Variants in SLC6A19 observed in about 807,000 individuals in gnomAD.
SLC6A19 encodes the protein sodium-dependent neutral amino acid transporter B(0)AT1.
Under a neutral mutation model 68.3 loss-of-function variants are expected in SLC6A19, and 67 were observed. The ratio of observed to expected loss-of-function variants is 0.98; its 90% confidence interval spans 0.81 to 1.20. The LOEUF (loss-of-function observed/expected upper bound fraction) is 1.20, where lower values mean the gene tolerates loss of function less well. Among genes scored for constraint, SLC6A19 ranks in the 50% most tolerant of loss-of-function variants. The probability of loss-of-function intolerance (pLI) is 0.00; values close to 1 mark genes in which losing one functional copy is unlikely to be tolerated. For missense variants in SLC6A19, 813 were observed against 851.6 expected (o/e 0.95, Z 0.56); for synonymous variants, 392 against 374.9 (o/e 1.05, Z -0.53).
intron 3 of SLC6A19, among the ~76,000 whole-genome samples, chr5:1,211,790 C>T (rs981061043): frequency 1.0e-4 from 15 of 149,908 alleles, no homozygotes; most frequent in Non-Finnish European, 1.5e-5. Flanking sequence ...TGCATGTGAG[C>T]ATGTGTGCCT....
At chr5:1,207,464 C>T (rs1470019421) in intron 1 of SLC6A19, among the ~76,000 whole-genome samples, 2 of 152,274 alleles carry the variant, frequency 1.3e-5, no homozygotes, top group Admixed American at 6.5e-5. Flanking sequence ...TGAGAGGAAG[C>T]TGACCTATGC....
chr5:1,218,795 C>A, intron 8 of SLC6A19, 108 bp from the exon 9 acceptor site: 4 of 1,159,368 alleles, frequency 3.5e-6, no homozygotes, highest in Non-Finnish European at 3.8e-6. Flanking sequence ...ACAGCTCAGA[C>A]CTGCCCGCCC....
chr5:1,202,319 C>T lies in SLC6A19; in HGVS notation c.202+467C>T, dbSNP rs918848484. Among the ~76,000 whole-genome samples the T allele has an allele frequency of 3.9e-5, 6 of 152,274 alleles. No individual in the cohort carries two copies. The East Asian group carries it at 5.8e-4, about 15-fold the overall frequency. On this transcript the variant is annotated intron_variant, in intron 1 of 11. Transcript: ENST00000304460. ...ACCCTAGAGGAGCAGAGTGGGTAGC[C>T]GGAGCCTGTGGACTCGGGCCTGGCT...
Position 1,223,640 on chromosome 5 carries a change from G to C in SLC6A19, c.*1736G>C, listed in dbSNP as rs966826187. 1 of 151,940 alleles carries C rather than the reference G, an allele frequency of 6.6e-6. No homozygotes were observed. The highest frequency in any genetic ancestry group is 1.5e-5 in the Non-Finnish European group (1 of 68,162). The allele number at this position is 151,940 out of a possible 1,614,324, so 9.4% of individuals were successfully genotyped here. A position where few individuals can be genotyped will look rare whatever the true frequency, so the allele number is the denominator to read the frequency against. Reference sequence around the variant, plus strand: ...GTGTTCTGAGAGTTCCTACGGACAGGTCACCTCCGCTTTGCATGGAAGAAT... The same window carrying C: ...GTGTTCTGAGAGTTCCTACGGACAGCTCACCTCCGCTTTGCATGGAAGAAT... On this transcript the variant is annotated 3_prime_UTR_variant, in exon 12 of 12. Transcript: ENST00000304460.
chr5:1,218,858 C>A (rs755836384), intron 8 of SLC6A19, 45 bp from the exon 9 acceptor site: 1 of 1,596,068 alleles, frequency 6.3e-7, no homozygotes, highest in Non-Finnish European at 8.5e-7. Flanking sequence ...GGAGACGGAG[C>A]CCACGGAGGG....
At chr5:1,219,755 G>A in intron 10 of SLC6A19, 91 bp downstream of exon 10, 1 of 1,569,268 alleles carries the variant, frequency 6.4e-7, no homozygotes, top group Non-Finnish European at 8.7e-7. Flanking sequence ...TGTGTTCAGG[G>A]TACGGAGGGA....
chr5:1,207,734 T>C (rs541418365), intron 1 of SLC6A19, among the ~76,000 whole-genome samples: 1 of 152,352 alleles, frequency 6.6e-6, no homozygotes, highest in South Asian at 2.1e-4. Flanking sequence ...GGCCCTCGGT[T>C]TAGACCATGA....
rs1033740611 is a variant in SLC6A19, at chr5:1,219,303, G to A, written c.1378+196G>A. On this transcript the variant is annotated intron_variant, in intron 9 of 11. Coordinates refer to ENST00000304460, the MANE Select transcript of SLC6A19 (RefSeq NM_001003841.3). ...CCGGCCGTGTGTGCAGCCCCCGGGC[G>A]TGTGAACAGCTCTGTCCCCGGCCGT... 1.2e-3 allele frequency among the ~76,000 whole-genome samples: 179 copies of A among 151,352 alleles called. 3 individuals carry two copies. Among genetic ancestry groups the A allele is most frequent in the Non-Finnish European group, 9.9e-4 (67 of 67,800 alleles).
rs1049359677 is a variant in SLC6A19, at chr5:1,209,047, C to A, written c.343+161C>A. On this transcript the variant is annotated intron_variant, in intron 2 of 11. Transcript: ENST00000304460. The surrounding 1 kb of genome is among the most constrained non-coding windows in gnomAD (Gnocchi z 5.5). ...AGGTCCCAGCTTCATCTCCTGGAGG[C>A]CTTTGGAAACTCCAGGCCACTCCTG... 6.6e-5 allele frequency among the ~76,000 whole-genome samples: 10 copies of A among 150,962 alleles called. No individual in the cohort carries two copies. The highest frequency in any genetic ancestry group is 2.4e-4 in the African/African-American group (10 of 40,882).
At position 1,222,439 on chromosome 5, in the gene SLC6A19, G is replaced by A. The variant is rs1746416828; in HGVS notation, c.*535G>A. The A allele has an allele frequency of 9.1e-6, 4 of 440,432 alleles. No individual in the cohort carries two copies. The highest frequency in any genetic ancestry group is 1.2e-5 in the Non-Finnish European group (3 of 251,260). The allele number at this position is 440,432 out of a possible 1,614,324, so 27.3% of individuals were successfully genotyped here. On this transcript the variant is annotated 3_prime_UTR_variant, in exon 12 of 12. Transcript: ENST00000304460. ...TATACATGCATGCAATTGTGTGTAT[G>A]TGTGTTCTGTGTGTGCGTTTGCAAG...
rs201304215 is a variant in SLC6A19, at chr5:1,212,421, C to T, written c.600C>T (p.Cys200=). The change falls in exon 4 of 12, where the codon TGC becomes TGT. Residue 200 remains cysteine (C), a synonymous_variant. Coordinates refer to ENST00000304460, the MANE Select transcript of SLC6A19 (RefSeq NM_001003841.3). This position sits in a 1 kb window ranked among gnomAD's most constrained non-coding sequence, Gnocchi z 5.1. ...CCATCCAGTGGTGGATGCTGCTGTG[C>T]CTGGCCTGCGCATGGAGCGTCCTGT... ...SGSIQWWMLL[C]LACAWSVLYM... is the part of the protein sequence containing the mutation. The T allele has an allele frequency of 2.5e-6, 4 of 1,612,448 alleles. No individual in the cohort carries two copies. Among genetic ancestry groups the T allele is most frequent in the African/African-American group, 1.3e-5 (1 of 75,006 alleles).
intron 1 of SLC6A19, among the ~76,000 whole-genome samples, chr5:1,207,550 T>C (rs1745890638): frequency 6.6e-6 from 1 of 152,248 alleles, no homozygotes; most frequent in African/African-American, 2.4e-5. Flanking sequence ...CTTCTAAGCA[T>C]CTGCGATTTT....
At position 1,221,866 on chromosome 5, in the gene SLC6A19, C is replaced by G. The variant is rs762492736; in HGVS notation, c.1867C>G (p.Leu623Val). ...GGACCATCAGGGGCTGGTGAGCACA[C>G]TGTCCACAGCCTCCATGAACGGGGA... ...PGDHQGLVST[L>V]STASMNGDLK... Residue 623 changes from leucine (L) to valine (V), a missense_variant, in exon 12 of 12, where the codon CTG (leucine) becomes GTG (valine). By Grantham distance (32) the Leu-to-Val change is conservative. Transcript: ENST00000304460. 2 of 1,614,222 alleles carry G rather than the reference C, an allele frequency of 1.2e-6. No individual in the cohort carries two copies. The highest frequency in any genetic ancestry group is 1.7e-6 in the Non-Finnish European group (2 of 1,180,046).
intron 1 of SLC6A19, among the ~76,000 whole-genome samples, chr5:1,207,178 G>C (rs2126495458): frequency 6.6e-6 from 1 of 152,308 alleles, no homozygotes; most frequent in South Asian, 2.1e-4. Flanking sequence ...CCACCTTCGA[G>C]TGAAGGACCC....
Position 1,215,839 on chromosome 5 carries a change from C to A in SLC6A19, c.888-719C>A, listed in dbSNP as rs1010153025. 1.3e-5 allele frequency among the ~76,000 whole-genome samples: 2 copies of A among 152,180 alleles called. No individual in the cohort carries two copies. Among genetic ancestry groups the A allele is most frequent in the Non-Finnish European group, 2.9e-5 (2 of 68,028 alleles). On this transcript the variant is annotated intron_variant, in intron 6 of 11. Coordinates refer to ENST00000304460, the MANE Select transcript of SLC6A19 (RefSeq NM_001003841.3). This position sits in a 1 kb window ranked among gnomAD's most constrained non-coding sequence, Gnocchi z 5.1. ...TTTTCCACGGTGGCTGCACCACTCA[C>A]GTTCCCACCAGCGTGCAGGAAGCTC...
At position 1,214,438 on chromosome 5, in the gene SLC6A19, C is replaced by T. The variant is rs533657030; in HGVS notation, c.887+373C>T. Among the ~76,000 whole-genome samples the T allele has an allele frequency of 1.2e-4, 19 of 152,320 alleles. No individual in the cohort carries two copies. Among genetic ancestry groups the T allele is most frequent in the East Asian group, 1.2e-3 (6 of 5,178 alleles). On this transcript the variant is annotated intron_variant, in intron 6 of 11. Transcript: ENST00000304460. This position sits in a 1 kb window ranked among gnomAD's most constrained non-coding sequence, Gnocchi z 7.4. ...CATGTGGCGCCCCCGACGCCCTCCA[C>T]GTCCCCGACCAAGGTCTGATCCTTC...
rs1746414901 is a variant in SLC6A19 at position 1,222,392 on chromosome 5, T to A, written c.*488T>A. ...TACAATGGGTGTCCACATGCACGTG[T>A]ATATGTATATCTGTGAGTGTATATA... is the stretch of plus-strand genomic sequence containing the variant. On this transcript the variant is annotated 3_prime_UTR_variant, in exon 12 of 12. Transcript: ENST00000304460. 6 of 462,016 alleles carry A rather than the reference T, an allele frequency of 1.3e-5. No individual in the cohort carries two copies. In the South Asian group the frequency reaches 3.5e-4, roughly 27 times the overall value. 28.6% of individuals were successfully genotyped at this position (462,016 alleles called of 1,614,324 possible). A position where few individuals can be genotyped will look rare whatever the true frequency, so the allele number is the denominator to read the frequency against.
In SLC6A19 at chr5:1,214,831, G is replaced by A. The variant is rs563826393; in HGVS notation, c.887+766G>A. Among the ~76,000 whole-genome samples, 312 of 148,076 alleles carry A rather than the reference G, an allele frequency of 2.1e-3. 1 individual carries two copies. Among genetic ancestry groups the A allele is most frequent in the Non-Finnish European group, 2.8e-3 (182 of 65,610 alleles). On this transcript the variant is annotated intron_variant, in intron 6 of 11. Transcript: ENST00000304460. The surrounding 1 kb of genome is among the most constrained non-coding windows in gnomAD (Gnocchi z 7.4). ...AAGGGGGCAGGGCCTGGGTAGGGAGGGTGGGGCCTAGACTGGACGGGGGCC... is the reference window on the plus strand; with the variant it reads ...AAGGGGGCAGGGCCTGGGTAGGGAGAGTGGGGCCTAGACTGGACGGGGGCC...
intron 1 of SLC6A19, among the ~76,000 whole-genome samples, chr5:1,205,622 T>A (rs1745831852): frequency 6.6e-6 from 1 of 152,152 alleles, no homozygotes; most frequent in Non-Finnish European, 1.5e-5. Flanking sequence ...GTTTTCTCAA[T>A]GGAGATGAAG....
Sources: gnomAD v4.1 joint callset for allele counts (sites outside exome capture counted in the v4.1 genomes callset) on GRCh38, gnomAD v4.1.1 for gene constraint, Gnocchi (gnomAD v3.1) non-coding constraint, MANE v1.5 for transcripts, NCBI Gene and HGNC (gene_info 2026-07-23, HGNC 2026-07-21) for gene names.